Variants in MTA3 observed in about 807,000 individuals in gnomAD.
MTA3 encodes metastasis associated 1 family member 3.
Under a neutral mutation model 83.5 loss-of-function variants are expected in MTA3, and 34 were observed. The observed-to-expected ratio is 0.41, with a 90% CI of 0.31 to 0.54. The LOEUF (loss-of-function observed/expected upper bound fraction) is 0.54. Ranked by LOEUF, MTA3 falls within the 20% of genes least tolerant of loss-of-function variation. The pLI is 0.33. For synonymous variants in MTA3, 303 were observed against 252.7 expected (o/e 1.20, Z -1.89); for missense variants, 761 against 726.4 (o/e 1.05, Z -0.55).
rs376916033 is a variant in MTA3, at chr2:42,682,478, A to G, written c.780A>G (p.Gly260=). The G allele has an allele frequency of 6.2e-7, 1 of 1,612,432 alleles. No homozygotes were observed. The highest frequency in any genetic ancestry group is 8.5e-7 in the Non-Finnish European group (1 of 1,179,256). The change falls in exon 9 of 17, where the codon GGA becomes GGG. Residue 260 remains glycine (G), a synonymous_variant. Coordinates refer to ENST00000405094, the MANE Select transcript of MTA3 (RefSeq NM_001330442.2). Reference sequence around the variant, plus strand: ...TTAGTGTCTTAGTACCACTCGGAGGACCTGTTTTATGCAGAGATGAAATGG... The same window carrying G: ...TTAGTGTCTTAGTACCACTCGGAGGGCCTGTTTTATGCAGAGATGAAATGG... The part of the protein sequence containing the change: ...SAISVLVPLG[G]PVLCRDEMEE...
chr2:42,621,349 C>A (rs1386564123), intron 4 of MTA3, among the ~76,000 whole-genome samples: 1 of 152,112 alleles, frequency 6.6e-6, no homozygotes, highest in African/African-American at 2.4e-5. Flanking sequence ...GAGCATGCTG[C>A]CTTCAAGCAT....
At chr2:42,692,400 C>T (rs1354445225) in intron 9 of MTA3, among the ~76,000 whole-genome samples, 1 of 150,124 alleles carries the variant, frequency 6.7e-6, no homozygotes, top group Non-Finnish European at 1.5e-5. Context: ...TGAGTTTCCT[C>T]AAAACAGCTA....
intron 2 of MTA3, among the ~76,000 whole-genome samples, chr2:42,500,630 A>G (rs574719285): frequency 2.0e-5 from 3 of 152,060 alleles, no homozygotes; most frequent in Admixed American, 6.6e-5. Flanking sequence ...GGGAGGGGAA[A>G]AATTTTTTCC....
chr2:42,741,069 A>G (rs1201488829), intron 16 of MTA3, among the ~76,000 whole-genome samples: 2 of 152,270 alleles, frequency 1.3e-5, no homozygotes, highest in South Asian at 4.1e-4. Flanking sequence ...ATAACTTGCT[A>G]CAGCTTCTAC....
chr2:42,562,740 G>A (rs558970329), intron 2 of MTA3, among the ~76,000 whole-genome samples: 1 of 152,282 alleles, frequency 6.6e-6, no homozygotes, highest in Admixed American at 6.5e-5. Flanking sequence ...GATTGGCTGG[G>A]CTCTGGGGTG....
chr2:42,558,455 G>A (rs1572980780), intron 2 of MTA3, among the ~76,000 whole-genome samples: 2 of 151,968 alleles, frequency 1.3e-5, no homozygotes, highest in East Asian at 1.9e-4. Flanking sequence ...TCTCCATGTT[G>A]GTCAGGCTGG....
intron 2 of MTA3, among the ~76,000 whole-genome samples, chr2:42,552,949 CA>C (rs1458381844): frequency 6.9e-6 from 1 of 144,068 alleles, no homozygotes; most frequent in Non-Finnish European, 1.5e-5. Context: ...GACTCCATCT[CA>C]AAAAATTAAA....
At chr2:42,710,860 C>T (rs1666545601) in intron 14 of MTA3, among the ~76,000 whole-genome samples, 1 of 152,086 alleles carries the variant, frequency 6.6e-6, no homozygotes, top group South Asian at 2.1e-4. Flanking sequence ...GGGCAGATCA[C>T]CTGAGGTCAG....
At chr2:42,669,850 G>A (rs1690635927) in intron 8 of MTA3, among the ~76,000 whole-genome samples, 1 of 152,128 alleles carries the variant, frequency 6.6e-6, no homozygotes, top group African/African-American at 2.4e-5. Flanking sequence ...CATCAGAAAG[G>A]CACTGTAGAT....
At chr2:42,690,479 T>G (rs1251344776) in intron 9 of MTA3, among the ~76,000 whole-genome samples, 6 of 152,148 alleles carry the variant, frequency 3.9e-5, no homozygotes, top group African/African-American at 1.2e-4. Flanking sequence ...ACAGTGTGAC[T>G]GAGTATGTTC....
intron 14 of MTA3, among the ~76,000 whole-genome samples, chr2:42,710,549 C>CAAAAAAAA (rs765315082): frequency 3.1e-4 from 19 of 61,044 alleles, no homozygotes; most frequent in East Asian, 5.6e-4. Context: ...AACTTCATCT[C>CAAAAAAAA]AAAAAAAAAA....
chr2:42,694,375 G>T (rs372882590), intron 9 of MTA3, among the ~76,000 whole-genome samples: 1 of 152,138 alleles, frequency 6.6e-6, no homozygotes, highest in South Asian at 2.1e-4. Flanking sequence ...CTAAGTTTAC[G>T]TAGGTCCTCA....
intron 2 of MTA3, among the ~76,000 whole-genome samples, chr2:42,553,141 G>A (rs1677197781): frequency 2.0e-5 from 3 of 151,320 alleles, no homozygotes; most frequent in South Asian, 4.2e-4. Flanking sequence ...ATTAGGCTGG[G>A]TGGGCCGGGC....
At chr2:42,501,366 A>AT (rs1307291218) in intron 2 of MTA3, among the ~76,000 whole-genome samples, 1 of 151,950 alleles carries the variant, frequency 6.6e-6, no homozygotes, top group Non-Finnish European at 1.5e-5. Context: ...GGAGGGCATA[A>AT]TTTTTTTCTT....
chr2:42,548,069 C>G (rs1676841014), intron 2 of MTA3, among the ~76,000 whole-genome samples: 1 of 152,202 alleles, frequency 6.6e-6, no homozygotes, highest in South Asian at 2.1e-4. Flanking sequence ...TGGAGGCCAC[C>G]CATACAGTAG....
chr2:42,549,519 TATA>T lies in MTA3; in HGVS notation c.-140-20914_-140-20912del, dbSNP rs1676993825. 5.5e-5 allele frequency among the ~76,000 whole-genome samples: 6 copies of T among 109,526 alleles called. No individual in the cohort carries two copies. In the South Asian group the frequency reaches 1.4e-3, roughly 26 times the overall value. 71.9% of individuals were successfully genotyped at this position (109,526 alleles called of 152,430 possible). The stretch of plus-strand genomic sequence containing the variant: ...ATTATATCATATATAATATATATGA[TATA>T]ATATATAATATACATATATTACATA... On this transcript the variant is annotated intron_variant, in intron 2 of 17. Transcript: ENST00000405592.
intron 8 of MTA3, among the ~76,000 whole-genome samples, chr2:42,661,850 TA>T (rs1270692794): frequency 2.0e-5 from 3 of 152,188 alleles, no homozygotes; most frequent in Non-Finnish European, 4.4e-5. Flanking sequence ...TTCTTCAGGT[TA>T]AAAAACTTTT....
intron 3 of MTA3, among the ~76,000 whole-genome samples, chr2:42,605,757 A>T (rs1215386030): frequency 1.8e-4 from 18 of 101,818 alleles, no homozygotes; most frequent in Middle Eastern, 8.6e-3. Context: ...CTGGCCGGGC[A>T]GAGGGGCTCC....
At chr2:42,555,015 T>G (rs1436913829) in intron 2 of MTA3, among the ~76,000 whole-genome samples, 1 of 152,100 alleles carries the variant, frequency 6.6e-6, no homozygotes, top group African/African-American at 2.4e-5. Context: ...TAGCTGGGCA[T>G]GGTGGCAGGC....
Sources: allele counts gnomAD v4.1 joint callset (sites outside exome capture counted in the v4.1 genomes callset), GRCh38; gene constraint gnomAD v4.1.1; transcripts MANE v1.5; gene names NCBI Gene and HGNC (gene_info 2026-07-23, HGNC 2026-07-21).